Variants in RAP1A observed in about 807,000 individuals in gnomAD.
RAP1A encodes the protein RAP1A, member of RAS oncogene family.
RAP1A carries 6 observed loss-of-function variants against 26.4 expected under a neutral mutation model. That is an observed-to-expected ratio of 0.23 (90% CI 0.12 to 0.45). RAP1A has a LOEUF of 0.45. RAP1A is among the 20% of genes least tolerant of loss of function. RAP1A has a pLI of 0.99. For missense variants in RAP1A, 121 were observed against 217.2 expected (o/e 0.56, Z 2.78); for synonymous variants, 73 against 79.4 (o/e 0.92, Z 0.43).
At chr1:111,566,174 T>C (rs1326704541) in intron 1 of RAP1A, among the ~76,000 whole-genome samples, 2 of 152,062 alleles carry the variant, frequency 1.3e-5, no homozygotes, top group African/African-American at 4.8e-5. Context: ...CCAGCTGGGA[T>C]TGTTGCAAAG....
At chr1:111,566,069 A>G (rs1657911756) in intron 1 of RAP1A, among the ~76,000 whole-genome samples, 1 of 152,098 alleles carries the variant, frequency 6.6e-6, no homozygotes, top group African/African-American at 2.4e-5. Context: ...AAGAAAAAAT[A>G]AACAGAAGTT....
chr1:111,562,085 T>C (rs1283062361), intron 1 of RAP1A, among the ~76,000 whole-genome samples: 1 of 151,990 alleles, frequency 6.6e-6, no homozygotes, highest in East Asian at 1.9e-4. Context: ...TTCAATAACA[T>C]CATATGTGTC....
At chr1:111,575,343 G>A (rs574469046) in intron 1 of RAP1A, among the ~76,000 whole-genome samples, 3 of 152,156 alleles carry the variant, frequency 2.0e-5, no homozygotes, top group South Asian at 4.2e-4. Context: ...TAGTAGAGAC[G>A]GGTTTCGCCA....
At chr1:111,688,285 GT>G in intron 1 of RAP1A, among the ~76,000 whole-genome samples, 1 of 129,672 alleles carries the variant, frequency 7.7e-6, no homozygotes. Flanking sequence ...GTGTGTGTGT[GT>G]GTGTGTGTGT....
rs762856693 is a variant in RAP1A at position 111,691,313 on chromosome 1, ATTTTT to A, written c.-27-18_-27-14del. The A allele has an allele frequency of 7.2e-6, 11 of 1,531,144 alleles. No individual in the cohort carries two copies. Among genetic ancestry groups the A allele is most frequent in the Non-Finnish European group, 7.2e-6 (8 of 1,107,288 alleles). 94.8% of individuals were successfully genotyped at this position (1,531,144 alleles called of 1,614,324 possible). A position where few individuals can be genotyped will look rare whatever the true frequency, so the allele number is the denominator to read the frequency against. ...CTGTTAGCATGTTTCTTAATCTTTG[ATTTTT>A]TTGTTTGTTTTTCAGATCGTCAGTA... is the stretch of plus-strand genomic sequence containing the variant. On this transcript the variant is annotated splice_polypyrimidine_tract_variant and intron_variant, in intron 1 of 7. Transcript: ENST00000369709.
intron 1 of RAP1A, among the ~76,000 whole-genome samples, chr1:111,577,223 C>T: frequency 6.6e-6 from 1 of 151,718 alleles, no homozygotes; most frequent in East Asian, 1.9e-4. Context: ...GTCAACATGG[C>T]AAAACCCTGT....
intron 1 of RAP1A, among the ~76,000 whole-genome samples, chr1:111,651,188 A>G (rs764048389): frequency 1.3e-5 from 2 of 152,112 alleles, no homozygotes; most frequent in Non-Finnish European, 2.9e-5. Context: ...TTGGCTATAT[A>G]TAAAGAGGAA....
chr1:111,687,649 C>T (rs1249176262), intron 1 of RAP1A, among the ~76,000 whole-genome samples: 3 of 149,568 alleles, frequency 2.0e-5, no homozygotes, highest in Non-Finnish European at 4.4e-5. Context: ...TCTCTCTCTT[C>T]TACTATTGTA....
intron 1 of RAP1A, among the ~76,000 whole-genome samples, chr1:111,666,177 T>C (rs1660791235): frequency 6.6e-6 from 1 of 152,202 alleles, no homozygotes; most frequent in Non-Finnish European, 1.5e-5. Context: ...ACAAGTGTTA[T>C]TTGCCTCATG....
chr1:111,622,762 A>G (rs953647279), intron 1 of RAP1A, among the ~76,000 whole-genome samples: 1 of 152,206 alleles, frequency 6.6e-6, no homozygotes, highest in Non-Finnish European at 1.5e-5. Context: ...ATGTTAGCTT[A>G]CCTCTCTTCA....
At chr1:111,598,370 G>T (rs969599429) in intron 1 of RAP1A, among the ~76,000 whole-genome samples, 5 of 152,048 alleles carry the variant, frequency 3.3e-5, no homozygotes, top group Non-Finnish European at 2.9e-5. Context: ...TATAAGTAAA[G>T]TTGTCCACAT....
At chr1:111,710,487 A>G (rs1333109811) in intron 7 of RAP1A, among the ~76,000 whole-genome samples, 3 of 152,174 alleles carry the variant, frequency 2.0e-5, no homozygotes, top group Non-Finnish European at 4.4e-5. Context: ...TTATTACATA[A>G]TTTGGTGCTT....
At chr1:111,562,750 A>G (rs575723109) in intron 1 of RAP1A, among the ~76,000 whole-genome samples, 38 of 152,364 alleles carry the variant, frequency 2.5e-4, no homozygotes, top group African/African-American at 9.1e-4. Context: ...TCAGGAGGCC[A>G]TACACCTTTC....
At chr1:111,564,452 G>C (rs1429914124) in intron 1 of RAP1A, among the ~76,000 whole-genome samples, 4 of 151,686 alleles carry the variant, frequency 2.6e-5, no homozygotes, top group Non-Finnish European at 5.9e-5. Context: ...TGAAGATGCT[G>C]TCAGCCATGA....
rs1167460481 is a variant in RAP1A, at chr1:111,714,211, A to G, written c.*1810A>G. On this transcript the variant is annotated 3_prime_UTR_variant, in exon 8 of 8. Coordinates refer to ENST00000369709, the MANE Select transcript of RAP1A (RefSeq NM_002884.4). ...ACACTTCCCTTCTACTTATCCAATT[A>G]TGCATATGTCTGGGATTGAGGGGCC... The G allele has an allele frequency of 6.6e-6, 1 of 152,164 alleles. No individual in the cohort carries two copies. The highest frequency in any genetic ancestry group is 2.4e-5 in the African/African-American group (1 of 41,442). The allele number at this position is 152,164 out of a possible 1,614,324, so 9.4% of individuals were successfully genotyped here. A position where few individuals can be genotyped will look rare whatever the true frequency, so the allele number is the denominator to read the frequency against.
intron 6 of RAP1A, among the ~76,000 whole-genome samples, chr1:111,706,119 A>G (rs1359272966): frequency 1.3e-5 from 2 of 152,260 alleles, no homozygotes; most frequent in Non-Finnish European, 2.9e-5. Context: ...ATAAAAACAA[A>G]CATAGAAAAA....
chr1:111,679,018 G>T (rs914261694), intron 1 of RAP1A, among the ~76,000 whole-genome samples: 7 of 152,042 alleles, frequency 4.6e-5, no homozygotes, highest in African/African-American at 1.7e-4. Flanking sequence ...AAAGCATTTT[G>T]GGAAAAAAAA....
chr1:111,640,366 CATT>C (rs1178878494), intron 1 of RAP1A, among the ~76,000 whole-genome samples: 1 of 152,088 alleles, frequency 6.6e-6, no homozygotes, highest in Non-Finnish European at 1.5e-5. Context: ...TATTATTTCT[CATT>C]ATTTAAAACA....
chr1:111,583,994 C>T (rs1658315161), intron 1 of RAP1A, among the ~76,000 whole-genome samples: 1 of 150,760 alleles, frequency 6.6e-6, no homozygotes, highest in Admixed American at 6.6e-5. Flanking sequence ...GATTCTTCTA[C>T]CTCAGCCTCC....
Sources: allele counts gnomAD v4.1 joint callset (sites outside exome capture counted in the v4.1 genomes callset), GRCh38; gene constraint gnomAD v4.1.1; transcripts MANE v1.5; gene names NCBI Gene and HGNC (gene_info 2026-07-23, HGNC 2026-07-21).